KCNMA1: variants seen among roughly 807,000 people sequenced by gnomAD.
KCNMA1 encodes the protein potassium calcium-activated channel subfamily M alpha 1, also known as Calcium-activated potassium channel subunit alpha-1.
Under a neutral mutation model 140.0 loss-of-function variants are expected in KCNMA1, and 29 were observed. The ratio of observed to expected loss-of-function variants is 0.21; its 90% CI spans 0.15 to 0.28. KCNMA1 has a LOEUF of 0.28. Ranked by LOEUF, KCNMA1 falls within the 10% of genes least tolerant of loss-of-function variation. The pLI is 1.00. For missense variants in KCNMA1, 880 were observed against 1,602.2 expected, an observed-to-expected ratio of 0.55 and a Z score of 7.70; for synonymous variants, 612 against 611.9, an observed-to-expected ratio of 1.00 and a Z score of 0.00.
At chr10:77,365,772 G>T (rs1047705770) in intron 2 of KCNMA1, among the ~76,000 whole-genome samples, 3 of 152,144 alleles carry the variant, frequency 2.0e-5, no homozygotes, top group Non-Finnish European at 4.4e-5. Context: ...TGTGCTCTGT[G>T]ATGGTTCAGC....
intron 1 of KCNMA1, among the ~76,000 whole-genome samples, chr10:77,581,852 C>G (rs973433293): frequency 6.6e-6 from 1 of 152,210 alleles, no homozygotes; most frequent in African/African-American, 2.4e-5. Context: ...AGCACATGCT[C>G]CTCAATGGAG....
chr10:77,359,253 G>C (rs977063667), intron 2 of KCNMA1, among the ~76,000 whole-genome samples: 2 of 152,166 alleles, frequency 1.3e-5, no homozygotes, highest in South Asian at 4.1e-4. Context: ...ATGTGTTGGC[G>C]GGGAGGGGCA....
intron 21 of KCNMA1, among the ~76,000 whole-genome samples, chr10:76,951,430 T>G (rs946663125): frequency 6.6e-6 from 1 of 152,196 alleles, no homozygotes; most frequent in African/African-American, 2.4e-5. Flanking sequence ...GCCTGGTCAC[T>G]TAAACACACC....
At chr10:77,607,388 G>A (rs987598950) in intron 1 of KCNMA1, among the ~76,000 whole-genome samples, 11 of 152,100 alleles carry the variant, frequency 7.2e-5, no homozygotes, top group Non-Finnish European at 1.5e-5. Context: ...GCTGAATCAT[G>A]GCCCTAGAAG....
At chr10:77,155,140 T>C (rs1564863673) in intron 5 of KCNMA1, among the ~76,000 whole-genome samples, 1 of 152,070 alleles carries the variant, frequency 6.6e-6, no homozygotes, top group Admixed American at 6.5e-5. Flanking sequence ...GGTTTCCATC[T>C]AAGAAGAAGG....
rs185103796 is a variant in KCNMA1 at position 77,544,206 on chromosome 10, C to T, written c.378+93059G>A. 1.1e-4 allele frequency among the ~76,000 whole-genome samples: 15 copies of T among 142,588 alleles called. 1 individual carries two copies. Among genetic ancestry groups the T allele is most frequent in the East Asian group, 7.0e-4 (3 of 4,292 alleles). 93.5% of individuals were successfully genotyped at this position (142,588 alleles called of 152,430 possible). ...TGTGTGTGTGATGATAGAGAGATTA[C>T]GTGAGTTTTCTTAATGTTCATGATG... On this transcript the variant is annotated intron_variant, in intron 1 of 27. Coordinates refer to ENST00000286628, the MANE Select transcript of KCNMA1 (RefSeq NM_001161352.2).
At position 77,219,834 on chromosome 10, in the gene KCNMA1, C is replaced by T. The variant is rs140198465; in HGVS notation, c.602+31361G>A. Among the ~76,000 whole-genome samples, 258 of 152,298 alleles carry T rather than the reference C, an allele frequency of 1.7e-3. No homozygotes were observed. The Middle Eastern group carries it at 0.02, about 12-fold the overall frequency. On this transcript the variant is annotated intron_variant, in intron 3 of 27. Transcript: ENST00000286628. ...CCATATAGGAACTGTAAGAAGACTA[C>T]TGGTTTGTTTCTCATCACTAACATG...
intron 1 of KCNMA1, among the ~76,000 whole-genome samples, chr10:77,489,551 T>C (rs2098506838): frequency 2.0e-5 from 3 of 152,046 alleles, no homozygotes; most frequent in Non-Finnish European, 2.9e-5. Flanking sequence ...ATTGACCAGG[T>C]TGACCTCGAA....
intron 19 of KCNMA1, chr10:76,978,560 C>T (rs1369028025): frequency 6.6e-6 from 1 of 152,156 alleles, no homozygotes; most frequent in African/African-American, 2.4e-5. Flanking sequence ...CTAAAATCAT[C>T]ATTGTGAATA....
At chr10:77,057,176 A>G (rs148757201) in intron 14 of KCNMA1, among the ~76,000 whole-genome samples, 1 of 152,278 alleles carries the variant, frequency 6.6e-6, no homozygotes, top group Non-Finnish European at 1.5e-5. Context: ...CTAGAAGGCA[A>G]TCGGAGAAAA....
intron 1 of KCNMA1, among the ~76,000 whole-genome samples, chr10:77,540,850 A>C (rs999221369): frequency 2.6e-5 from 4 of 151,992 alleles, no homozygotes; most frequent in South Asian, 2.1e-4. Flanking sequence ...AAAATACACA[A>C]AAAAAATAGC....
intron 20 of KCNMA1, among the ~76,000 whole-genome samples, chr10:76,958,520 A>G (rs769467109): frequency 1.5e-4 from 23 of 152,296 alleles, no homozygotes; most frequent in Non-Finnish European, 2.8e-4. Context: ...TGAAGTCTTA[A>G]CCGCCGGTAC....
At chr10:77,080,339 G>C (rs57754724) in intron 12 of KCNMA1, among the ~76,000 whole-genome samples, 1,626 of 152,294 alleles carry the variant, frequency 0.011, 17 homozygotes, top group African/African-American at 0.037. Context: ...TCACAGAGCT[G>C]TAATACTACT....
Position 77,001,515 on chromosome 10 carries a change from C to A in KCNMA1, c.2158G>T (p.Asp720Tyr). Residue 720 changes from aspartate to tyrosine, a missense_variant, in exon 19 of 28, where the codon GAC becomes TAC. Transcript: ENST00000286628. ...ACACGGCCTGACATGCATGAGCAGT[C>A]ACGCTCAGAACGTCCGCAATCAAAA... is the stretch of plus-strand genomic sequence containing the variant. ...CCFDCGRSERDCSCMSGRVRG... is the reference protein window; with the variant it reads ...CCFDCGRSERYCSCMSGRVRG... 4.5e-6 allele frequency: 7 copies of A among 1,552,136 alleles called. No homozygotes were observed. Among genetic ancestry groups the A allele is most frequent in the Non-Finnish European group, 6.1e-6 (7 of 1,147,024 alleles).
chr10:77,243,603 G>T (rs1213180512), intron 3 of KCNMA1, among the ~76,000 whole-genome samples: 1 of 152,190 alleles, frequency 6.6e-6, no homozygotes, highest in Non-Finnish European at 1.5e-5. Context: ...CCTAATTTTG[G>T]AAGGCAAAGT....
chr10:77,219,805 T>C (rs2048995912), intron 3 of KCNMA1, among the ~76,000 whole-genome samples: 1 of 152,142 alleles, frequency 6.6e-6, no homozygotes. Context: ...CCTCAAGTCT[T>C]AATCCATATA....
At chr10:77,326,286 C>T (rs2084179347) in intron 2 of KCNMA1, among the ~76,000 whole-genome samples, 1 of 152,208 alleles carries the variant, frequency 6.6e-6, no homozygotes, top group Admixed American at 6.5e-5. Flanking sequence ...GTCTCACCAC[C>T]ATGAAGCCTC....
intron 18 of KCNMA1, among the ~76,000 whole-genome samples, chr10:77,011,574 C>A (rs533630079): frequency 1.3e-5 from 2 of 152,212 alleles, no homozygotes; most frequent in Non-Finnish European, 2.9e-5. Flanking sequence ...TTTAGTTTCT[C>A]TCTCAACCCT....
chr10:77,420,163 G>A (rs2096836926), intron 1 of KCNMA1, among the ~76,000 whole-genome samples: 1 of 152,226 alleles, frequency 6.6e-6, no homozygotes, highest in Non-Finnish European at 1.5e-5. Flanking sequence ...CATGGTCCCA[G>A]CACAGCCTTC....
Sources: gnomAD v4.1 joint callset for allele counts (sites outside exome capture counted in the v4.1 genomes callset) on GRCh38, gnomAD v4.1.1 for gene constraint, MANE v1.5 for transcripts, NCBI Gene and HGNC (gene_info 2026-07-23, HGNC 2026-07-21) for gene names.